The following HELLS variants were observed in gnomAD, a reference collection of about 807,000 sequenced individuals.
HELLS encodes helicase, lymphoid specific.
Under a neutral mutation model 120.0 loss-of-function variants are expected in HELLS, and 32 were observed. The observed-to-expected ratio is 0.27, with a 90% CI of 0.20 to 0.36. The LOEUF (loss-of-function observed/expected upper bound fraction) is 0.36. HELLS is among the 10% of genes least tolerant of loss of function. The pLI, the probability that HELLS is intolerant of heterozygous loss-of-function variation, is 1.00. For synonymous variants in HELLS, 341 were observed against 323.4 expected, an observed-to-expected ratio of 1.05 and a Z score of -0.58; for missense variants, 650 against 993.4, an observed-to-expected ratio of 0.65 and a Z score of 4.65.
chr10:94,583,999 T>A (rs1055752171), intron 12 of HELLS: 1 of 652,970 alleles, frequency 1.5e-6, no homozygotes, highest in Admixed American at 2.7e-5. Context: ...AAAGAATTCC[T>A]AGAATGTATG....
intron 2 of HELLS, among the ~76,000 whole-genome samples, chr10:94,552,539 A>G (rs968164229): frequency 6.6e-6 from 1 of 152,190 alleles, no homozygotes; most frequent in African/African-American, 2.4e-5. Context: ...TATGTCTTTA[A>G]TACTTGTTGT....
intron 4 of HELLS, among the ~76,000 whole-genome samples, chr10:94,560,397 T>G (rs1843489666): frequency 6.6e-6 from 1 of 152,136 alleles, no homozygotes; most frequent in Non-Finnish European, 1.5e-5. Context: ...AACCCATTAT[T>G]TAAAACTGGT....
At chr10:94,602,595 T>C (rs896613679), downstream of HELLS, among the ~76,000 whole-genome samples, 2 of 152,212 alleles carry the variant, frequency 1.3e-5, no homozygotes, top group African/African-American at 4.8e-5. Context: ...TTGCCATGTA[T>C]ATTCAAATGC....
chr10:94,592,247 A>G lies in HELLS; in HGVS notation c.1786A>G (p.Thr596Ala), dbSNP rs1845525855. 2 of 1,611,488 alleles carry G rather than the reference A, an allele frequency of 1.2e-6. No homozygotes were observed. The highest frequency in any genetic ancestry group is 1.7e-5 in the Admixed American group (1 of 59,800). Residue 596 changes from threonine to alanine, a missense_variant, in exon 16 of 22, where the codon ACA becomes GCA. Thr to Ala is a moderately conservative substitution (Grantham distance 58). This residue lies in a region of HELLS where 191 missense variants were observed against 259.7 expected (regional missense o/e 0.74). Transcript: ENST00000348459. The stretch of plus-strand genomic sequence containing the variant: ...CCTTAAGATCGATGAAGAATTGGTA[A>G]CAAATTCTGGGAAGTTCTTGATTTT... ...QEFKIDEELV[T>A]NSGKFLILDR... is the part of the protein sequence containing the mutation.
intron 3 of HELLS, among the ~76,000 whole-genome samples, chr10:94,556,166 GTCAGAATTGA>G (rs1843251768): frequency 6.6e-6 from 1 of 152,188 alleles, no homozygotes; most frequent in African/African-American, 2.4e-5. Context: ...CGTAGATAGT[GTCAGAATTGA>G]ATTACAATAG....
rs767738027 is a variant in HELLS, at chr10:94,592,528, T to C, written c.1971+14T>C. On this transcript the variant is annotated intron_variant, in intron 17 of 21. Transcript: ENST00000348459. The stretch of plus-strand genomic sequence containing the variant: ...AGAGAAAAAAACGTAAGACTACTTA[T>C]GTCATACATACCAAACTATTCTTTT... The C allele has an allele frequency of 1.3e-5, 18 of 1,416,820 alleles. No homozygotes were observed. The highest frequency in any genetic ancestry group is 2.6e-5 in the Admixed American group (1 of 37,820). The allele number at this position is 1,416,820 out of a possible 1,614,324, so 87.8% of individuals were successfully genotyped here.
intron 8 of HELLS, 182 bp from the exon 9 acceptor site, chr10:94,574,372 C>A (rs1589731412): frequency 1.4e-6 from 1 of 693,364 alleles, no homozygotes; most frequent in African/African-American, 1.8e-5. Flanking sequence ...TTAATGGCTT[C>A]CAGCACTTTT....
intron 2 of HELLS, among the ~76,000 whole-genome samples, chr10:94,551,938 A>ACCGTGTTAGC (rs1842998037): frequency 6.6e-6 from 1 of 152,032 alleles, no homozygotes; most frequent in South Asian, 2.1e-4. Flanking sequence ...ACAGGGTTTC[A>ACCGTGTTAGC]CCGTGTTAGC....
At chr10:94,551,602 A>G (rs1011593296) in intron 2 of HELLS, among the ~76,000 whole-genome samples, 2 of 152,120 alleles carry the variant, frequency 1.3e-5, no homozygotes, top group African/African-American at 2.4e-5. Flanking sequence ...AAAGAAAGCT[A>G]TAGTGATGAT....
rs574073717 is a variant in HELLS, at chr10:94,555,034, T to A, written c.276+786T>A. Among the ~76,000 whole-genome samples the A allele has an allele frequency of 7.0e-4, 106 of 152,200 alleles. 1 individual carries two copies. In the Middle Eastern group the frequency reaches 0.027, roughly 39 times the overall value. On this transcript the variant is annotated intron_variant, in intron 3 of 21. Transcript: ENST00000348459. ...GGCATGTGCCTCTAGTCCCAGCTAC[T>A]TGGGAGGCTGAGGCAGGAGGTTGGC... is the stretch of plus-strand genomic sequence containing the variant.
intron 3 of HELLS, among the ~76,000 whole-genome samples, chr10:94,556,513 T>TA (rs1427080400): frequency 6.6e-6 from 1 of 152,214 alleles, no homozygotes; most frequent in Non-Finnish European, 1.5e-5. Flanking sequence ...CTAAGTTTGA[T>TA]ATATGGATAT....
intron 3 of HELLS, among the ~76,000 whole-genome samples, chr10:94,556,450 T>C (rs1215553863): frequency 6.6e-6 from 1 of 152,220 alleles, no homozygotes; most frequent in African/African-American, 2.4e-5. Context: ...AATGTCGTTA[T>C]TGGGGTGTAA....
At chr10:94,584,208 C>A in intron 12 of HELLS, 1 of 463,806 alleles carries the variant, frequency 2.2e-6, no homozygotes, top group Non-Finnish European at 3.5e-6. Context: ...TTGGTAGTTC[C>A]TTGTGGCCAT....
chr10:94,580,928 A>G (rs1844837373), intron 10 of HELLS, among the ~76,000 whole-genome samples: 1 of 152,218 alleles, frequency 6.6e-6, no homozygotes, highest in Non-Finnish European at 1.5e-5. Flanking sequence ...GGAAAATTCT[A>G]GTGCTATTTG....
At chr10:94,591,469 G>A (rs139273874) in intron 15 of HELLS, among the ~76,000 whole-genome samples, 2 of 152,202 alleles carry the variant, frequency 1.3e-5, no homozygotes, top group Non-Finnish European at 2.9e-5. Context: ...TTGTTTCAAG[G>A]TAGTTTACAA....
intron 12 of HELLS, among the ~76,000 whole-genome samples, chr10:94,587,164 TATAGA>T (rs1845206079): frequency 6.6e-6 from 1 of 152,160 alleles, no homozygotes; most frequent in African/African-American, 2.4e-5. Flanking sequence ...CTTTAGAACT[TATAGA>T]AGGAAACTTG....
intron 10 of HELLS, chr10:94,577,369 T>C (rs1844548176): frequency 4.6e-6 from 1 of 215,336 alleles, no homozygotes; most frequent in Admixed American, 5.5e-5. Flanking sequence ...TTGACTGCTT[T>C]TTTTTTCCTT....
intron 2 of HELLS, among the ~76,000 whole-genome samples, chr10:94,547,541 A>G (rs1589693121): frequency 6.6e-6 from 1 of 152,194 alleles, no homozygotes; most frequent in East Asian, 1.9e-4. Flanking sequence ...TTGAACATTT[A>G]TTAGGAGTCA....
downstream of HELLS, among the ~76,000 whole-genome samples, chr10:94,603,706 A>G (rs1422605697): frequency 6.6e-6 from 1 of 152,232 alleles, no homozygotes; most frequent in Non-Finnish European, 1.5e-5. Context: ...CCTTAGTTCA[A>G]TAAATGACAA....
Sources: allele counts gnomAD v4.1 joint callset (sites outside exome capture counted in the v4.1 genomes callset), GRCh38; gene constraint gnomAD v4.1.1; regional missense constraint gnomAD v4.1.1; transcripts MANE v1.5; gene names NCBI Gene and HGNC (gene_info 2026-07-23, HGNC 2026-07-21).